Variants in GOLGA5 observed in about 807,000 individuals in gnomAD.
GOLGA5 encodes golgin subfamily A member 5.
A neutral mutation model predicts 93.5 loss-of-function variants in GOLGA5; 50 were observed. The observed-to-expected ratio is 0.53, with a 90% CI of 0.43 to 0.68. The LOEUF (loss-of-function observed/expected upper bound fraction) is 0.68. Among genes scored for constraint, GOLGA5 ranks in the 30% least tolerant of loss-of-function variants. The pLI, the probability that GOLGA5 is intolerant of heterozygous loss-of-function variation, is 0.00. For missense variants in GOLGA5, 760 were observed against 856.4 expected (o/e 0.89, Z 1.40); for synonymous variants, 312 against 304.5 (o/e 1.02, Z -0.26).
chr14:92,839,260 G>T, intron 12 of GOLGA5, 106 bp from the exon 13 acceptor site: 2 of 706,500 alleles, frequency 2.8e-6, no homozygotes, highest in East Asian at 2.6e-5. Flanking sequence ...TGTCCCATAG[G>T]GGATACAGAG....
intron 2 of GOLGA5, among the ~76,000 whole-genome samples, chr14:92,805,540 C>T (rs1884966395): frequency 6.6e-6 from 1 of 152,150 alleles, no homozygotes; most frequent in Non-Finnish European, 1.5e-5. Context: ...ACGGTAGCTG[C>T]ATGTTTAATT....
intron 10 of GOLGA5, among the ~76,000 whole-genome samples, chr14:92,834,740 G>A (rs555316078): frequency 6.6e-6 from 1 of 152,180 alleles, no homozygotes; most frequent in Non-Finnish European, 1.5e-5. Context: ...GATCTTGAGA[G>A]GGGGGACTGA....
intron 12 of GOLGA5, among the ~76,000 whole-genome samples, chr14:92,838,333 T>C (rs1409570878): frequency 6.6e-6 from 1 of 152,226 alleles, no homozygotes; most frequent in Admixed American, 6.5e-5. Flanking sequence ...TGTGATCCAC[T>C]AGAGGGAAGA....
intron 2 of GOLGA5, among the ~76,000 whole-genome samples, chr14:92,800,476 A>G (rs1404368245): frequency 6.6e-6 from 1 of 152,236 alleles, no homozygotes; most frequent in Non-Finnish European, 1.5e-5. Flanking sequence ...TGATGAAGAA[A>G]ATGTAGCTAG....
chr14:92,818,488 A>G (rs548604706), intron 7 of GOLGA5, among the ~76,000 whole-genome samples: 40 of 152,356 alleles, frequency 2.6e-4, no homozygotes, highest in Admixed American at 1.0e-3. Flanking sequence ...ACCACTGTGC[A>G]TACTGCCTGC....
At chr14:92,825,705 C>G (rs1195033595) in intron 9 of GOLGA5, among the ~76,000 whole-genome samples, 1 of 150,398 alleles carries the variant, frequency 6.6e-6, no homozygotes, top group South Asian at 2.1e-4. Context: ...TACAAAAAAT[C>G]AAAAAATTAG....
At position 92,797,947 on chromosome 14, in the gene GOLGA5, C is replaced by G; in HGVS notation, c.510C>G (p.Thr170=). ...ACCCCAGTGTAACCACCATCAAAAC[C>G]ATTGAAGAAAATTCTTTTGGGAGCC... ...SVNPSVTTIK[T]IEENSFGSQT... Residue 170 remains threonine, a synonymous_variant, in exon 2 of 13, where the codon ACC becomes ACG. Transcript: ENST00000163416. 2 of 1,590,864 alleles carry G rather than the reference C, an allele frequency of 1.3e-6. No individual in the cohort carries two copies. The highest frequency in any genetic ancestry group is 1.7e-4 in the Middle Eastern group (1 of 5,928).
chr14:92,806,907 A>G lies in GOLGA5; in HGVS notation c.716A>G (p.Gln239Arg), dbSNP rs748501039. The G allele has an allele frequency of 1.9e-6, 3 of 1,613,862 alleles. No homozygotes were observed. The highest frequency in any genetic ancestry group is 2.5e-6 in the Non-Finnish European group (3 of 1,179,712). The change falls in exon 3 of 13, where the codon CAG (glutamine) becomes CGG (arginine). Residue 239 changes from glutamine to arginine, a missense_variant. Gln to Arg is a conservative substitution (Grantham distance 43, BLOSUM62 1). Coordinates refer to ENST00000163416, the MANE Select transcript of GOLGA5 (RefSeq NM_005113.4). The part of the protein sequence containing the change: ...LENQLLRNEV[Q>R]SLNQEMASLL... ...AATCAGCTGCTGAGGAATGAAGTTC[A>G]GTCTTTAAATCAAGAAATGGCCTCG... is the stretch of plus-strand genomic sequence containing the variant.
At chr14:92,796,922 A>G (rs1595587382) in intron 1 of GOLGA5, among the ~76,000 whole-genome samples, 1 of 105,600 alleles carries the variant, frequency 9.5e-6, no homozygotes, top group East Asian at 3.2e-4. Context: ...GTGAGCCGAG[A>G]TTGCGCCACT....
At chr14:92,796,995 A>AAAG (rs1884746976) in intron 1 of GOLGA5, among the ~76,000 whole-genome samples, 1 of 148,284 alleles carries the variant, frequency 6.7e-6, no homozygotes, top group Non-Finnish European at 1.5e-5. Flanking sequence ...AAAAAAAAAA[A>AAAG]AAAGATTTGC....
intron 10 of GOLGA5, among the ~76,000 whole-genome samples, chr14:92,834,195 TATTTTA>T (rs1885589650): frequency 6.8e-6 from 1 of 147,856 alleles, no homozygotes; most frequent in Non-Finnish European, 1.5e-5. Context: ...TTTTTTTTTT[TATTTTA>T]TTTTTTTATT....
intron 2 of GOLGA5, among the ~76,000 whole-genome samples, chr14:92,798,953 G>A (rs942695256): frequency 6.6e-5 from 10 of 152,122 alleles, no homozygotes; most frequent in African/African-American, 2.4e-4. Flanking sequence ...AAACTTGATA[G>A]TAGGTTCTTG....
intron 4 of GOLGA5, 117 bp downstream of exon 4, chr14:92,809,636 A>G (rs1885064355): frequency 1.4e-6 from 1 of 692,270 alleles, no homozygotes; most frequent in African/African-American, 1.8e-5. Flanking sequence ...TTCTTTTGGT[A>G]GTGTTAGAAA....
chr14:92,804,938 G>A (rs1000240339), intron 2 of GOLGA5, among the ~76,000 whole-genome samples: 3 of 152,102 alleles, frequency 2.0e-5, no homozygotes, highest in African/African-American at 4.8e-5. Context: ...GAGCCACCAC[G>A]CCCTGCCAAC....
chr14:92,816,472 TAACA>T, intron 7 of GOLGA5, 51 bp downstream of exon 7: 1 of 1,494,800 alleles, frequency 6.7e-7, no homozygotes, highest in Non-Finnish European at 9.3e-7. Flanking sequence ...CCTCAGGTGT[TAACA>T]GTTTGAGAGG....
rs540899174 is a variant in GOLGA5 at position 92,815,805 on chromosome 14, G to A, written c.1321-446G>A. Among the ~76,000 whole-genome samples the A allele has an allele frequency of 1.7e-4, 24 of 145,174 alleles. No individual in the cohort carries two copies. The South Asian group carries it at 4.4e-3, about 26-fold the overall frequency. On this transcript the variant is annotated intron_variant, in intron 6 of 12. Coordinates refer to ENST00000163416, the MANE Select transcript of GOLGA5 (RefSeq NM_005113.4). Reference sequence around the variant, plus strand: ...TGCAAGCTCCGCCTCCCGGGTTCACGCCATTCTTCTGCCTCAGCCTCCCTA... The same window carrying A: ...TGCAAGCTCCGCCTCCCGGGTTCACACCATTCTTCTGCCTCAGCCTCCCTA...
intron 7 of GOLGA5, among the ~76,000 whole-genome samples, chr14:92,817,085 C>T (rs1248112527): frequency 1.3e-5 from 2 of 151,930 alleles, no homozygotes; most frequent in Non-Finnish European, 2.9e-5. Context: ...GGATTACAGA[C>T]GTGCGCCACC....
chr14:92,799,941 A>T (rs1369517927), intron 2 of GOLGA5, among the ~76,000 whole-genome samples: 1 of 152,086 alleles, frequency 6.6e-6, no homozygotes, highest in Non-Finnish European at 1.5e-5. Flanking sequence ...TTGATGGGAG[A>T]TTGTCATGTT....
At chr14:92,799,485 A>G (rs1193044384) in intron 2 of GOLGA5, among the ~76,000 whole-genome samples, 2 of 136,616 alleles carry the variant, frequency 1.5e-5, no homozygotes, top group Non-Finnish European at 3.1e-5. Context: ...ACAGGGTTTC[A>G]CTGTTAGCCA....
Sources: allele counts gnomAD v4.1 joint callset (sites outside exome capture counted in the v4.1 genomes callset), GRCh38; gene constraint gnomAD v4.1.1; transcripts MANE v1.5; gene names NCBI Gene and HGNC (gene_info 2026-07-23, HGNC 2026-07-21).